TAOK3: variants seen among roughly 807,000 people sequenced by gnomAD.
TAOK3 encodes the protein serine/threonine-protein kinase TAO3.
TAOK3 carries 40 observed loss-of-function variants against 120.4 expected under a neutral mutation model. That is an observed-to-expected ratio of 0.33 (90% CI 0.26 to 0.43). The LOEUF is 0.43. Among genes scored for constraint, TAOK3 ranks in the 20% least tolerant of loss-of-function variants. TAOK3 has a pLI of 1.00. For missense variants in TAOK3, 821 were observed against 1,112.1 expected (o/e 0.74, Z 3.72); for synonymous variants, 355 against 387.5 (o/e 0.92, Z 0.99).
chr12:118,287,654 G>A (rs896023490), intron 1 of TAOK3, among the ~76,000 whole-genome samples: 1 of 152,084 alleles, frequency 6.6e-6, no homozygotes, highest in Non-Finnish European at 1.5e-5. Context: ...CTTGGAGTTG[G>A]TCAAGACAAT....
intron 16 of TAOK3, 127 bp from the exon 17 acceptor site, chr12:118,172,787 G>T: frequency 1.2e-6 from 1 of 825,658 alleles, no homozygotes; most frequent in Non-Finnish European, 1.9e-6. Flanking sequence ...GCTTAGTGTT[G>T]CACATCCTTC....
At chr12:118,179,977 C>T (rs1393900219) in intron 15 of TAOK3, among the ~76,000 whole-genome samples, 2 of 124,630 alleles carry the variant, frequency 1.6e-5, no homozygotes, top group Non-Finnish European at 3.3e-5. Flanking sequence ...GATGAAGTCT[C>T]GCTCTTGTCA....
intron 1 of TAOK3, among the ~76,000 whole-genome samples, chr12:118,368,149 T>G (rs1344701161): frequency 6.6e-6 from 1 of 152,234 alleles, no homozygotes; most frequent in East Asian, 1.9e-4. Flanking sequence ...GTGTGGCTGC[T>G]GTAAGCCTTC....
rs748780002 is a variant in TAOK3 at position 118,319,554 on chromosome 12, T to C, written c.-193-52795A>G. On this transcript the variant is annotated intron_variant, in intron 1 of 20. Coordinates refer to ENST00000392533, the MANE Select transcript of TAOK3 (RefSeq NM_016281.4). ...ATATTGTCAAGGACTTGAATAGCCA[T>C]TTACTCAAAGAAGATGTACAAATGG... 1.7e-4 allele frequency among the ~76,000 whole-genome samples: 26 copies of C among 152,254 alleles called. No homozygotes were observed. The South Asian group carries it at 2.7e-3, about 16-fold the overall frequency.
chr12:118,310,720 A>G (rs1293116187), intron 1 of TAOK3, among the ~76,000 whole-genome samples: 1 of 152,210 alleles, frequency 6.6e-6, no homozygotes, highest in Non-Finnish European at 1.5e-5. Context: ...AAATAGGTTT[A>G]CCACATCTGC....
At chr12:118,304,680 A>C (rs534939087) in intron 1 of TAOK3, among the ~76,000 whole-genome samples, 35 of 152,312 alleles carry the variant, frequency 2.3e-4, no homozygotes, top group Non-Finnish European at 4.0e-4. Flanking sequence ...ATATGTGTAC[A>C]ACTTGTATTT....
chr12:118,365,575 T>C (rs2045721132), intron 1 of TAOK3, among the ~76,000 whole-genome samples: 1 of 152,136 alleles, frequency 6.6e-6, no homozygotes. Context: ...ATATATGTAT[T>C]TTAAAAAGCA....
chr12:118,286,325 T>A (rs1449609664), intron 1 of TAOK3, among the ~76,000 whole-genome samples: 1 of 152,070 alleles, frequency 6.6e-6, no homozygotes, highest in Non-Finnish European at 1.5e-5. Flanking sequence ...AATCTATACA[T>A]CTGACAAAGG....
intron 1 of TAOK3, among the ~76,000 whole-genome samples, chr12:118,358,177 A>G (rs996092621): frequency 4.6e-5 from 7 of 152,246 alleles, no homozygotes; most frequent in Non-Finnish European, 7.3e-5. Context: ...TGTCAAAAAA[A>G]AAGTATCTGT....
intron 14 of TAOK3, among the ~76,000 whole-genome samples, chr12:118,182,623 A>ATATATAT (rs371125415): frequency 4.3e-4 from 40 of 92,388 alleles, no homozygotes; most frequent in African/African-American, 1.5e-3. Flanking sequence ...ATATATATAT[A>ATATATAT]TTTTTTTTTT....
chr12:118,215,894 A>ATT (rs1177263025), intron 9 of TAOK3, among the ~76,000 whole-genome samples: 31 of 142,172 alleles, frequency 2.2e-4, no homozygotes, highest in East Asian at 1.0e-3. Context: ...AATTTAAACA[A>ATT]TTTTTTTTTT....
intron 8 of TAOK3, among the ~76,000 whole-genome samples, chr12:118,235,293 C>A (rs1250017712): frequency 6.6e-6 from 1 of 152,188 alleles, no homozygotes. Context: ...AATCGAAAAC[C>A]TGAACTTGGT....
At chr12:118,318,229 C>T (rs1451545207) in intron 1 of TAOK3, among the ~76,000 whole-genome samples, 1 of 150,256 alleles carries the variant, frequency 6.7e-6, no homozygotes, top group Non-Finnish European at 1.5e-5. Context: ...GCGATCTTGG[C>T]TCACTGCAAC....
At position 118,269,574 on chromosome 12, in the gene TAOK3, T is replaced by C. The variant is rs557781975; in HGVS notation, c.-193-2815A>G. 2.6e-5 allele frequency among the ~76,000 whole-genome samples: 4 copies of C among 152,056 alleles called. No homozygotes were observed. The East Asian group carries it at 7.7e-4, about 29-fold the overall frequency. On this transcript the variant is annotated intron_variant, in intron 1 of 20. Transcript: ENST00000392533. ...TAGTAGAGATGGGGTTTCGTTATAT[T>C]GGCCAGGCTGGTCTCAAACTCCTGA...
At chr12:118,321,253 C>A (rs1712703681) in intron 1 of TAOK3, among the ~76,000 whole-genome samples, 2 of 151,950 alleles carry the variant, frequency 1.3e-5, no homozygotes, top group African/African-American at 4.8e-5. Flanking sequence ...CACACACACA[C>A]AAACATACAC....
At chr12:118,351,864 CTTTTTTTTTTTTTTTTTT>C (rs34956112) in intron 1 of TAOK3, among the ~76,000 whole-genome samples, 2 of 71,900 alleles carry the variant, frequency 2.8e-5, no homozygotes, top group Non-Finnish European at 2.6e-5. Flanking sequence ...ATCTATAGTT[CTTTTTTTTTTTTTTTTTT>C]TTTTTTTTAG....
chr12:118,242,741 TC>T (rs1337812342), intron 5 of TAOK3, among the ~76,000 whole-genome samples: 2 of 151,896 alleles, frequency 1.3e-5, no homozygotes, highest in African/African-American at 4.8e-5. Flanking sequence ...GTGCCTGTAG[TC>T]CCAGCTACTC....
intron 7 of TAOK3, among the ~76,000 whole-genome samples, chr12:118,237,488 C>T (rs553233940): frequency 2.0e-5 from 3 of 152,110 alleles, no homozygotes; most frequent in Non-Finnish European, 4.4e-5. Context: ...AGAGAAAAGC[C>T]CTAGAATAGG....
intron 19 of TAOK3, among the ~76,000 whole-genome samples, chr12:118,155,336 TTA>T (rs1337130754): frequency 3.3e-5 from 5 of 152,200 alleles, no homozygotes; most frequent in Non-Finnish European, 7.3e-5. Flanking sequence ...ACTCATTAAT[TTA>T]TGTTTTGTCT....
Sources: allele counts gnomAD v4.1 joint callset (sites outside exome capture counted in the v4.1 genomes callset), GRCh38; gene constraint gnomAD v4.1.1; transcripts MANE v1.5; gene names NCBI Gene and HGNC (gene_info 2026-07-23, HGNC 2026-07-21).